NUAK1: variants seen among roughly 807,000 people sequenced by gnomAD.
NUAK1 encodes the protein NUAK family kinase 1.
In NUAK1, 26 loss-of-function variants were observed where a neutral mutation model predicts 56.9. The observed-to-expected ratio is 0.46, with a 90% CI of 0.33 to 0.63. NUAK1 has a LOEUF of 0.63. Ranked by LOEUF, NUAK1 falls within the 30% of genes least tolerant of loss-of-function variation. NUAK1 has a pLI of 0.02. For missense variants in NUAK1, 727 were observed against 876.1 expected, an observed-to-expected ratio of 0.83 and a Z score of 2.15; for synonymous variants, 337 against 336.0, an observed-to-expected ratio of 1.00 and a Z score of -0.03.
In NUAK1 at chr12:106,138,181, C is replaced by T. The variant is rs1404330336; in HGVS notation, c.240+233G>A. Among the ~76,000 whole-genome samples, 1 of 152,034 alleles carries T rather than the reference C, an allele frequency of 6.6e-6. No homozygotes were observed. The highest frequency in any genetic ancestry group is 2.4e-5 in the African/African-American group (1 of 41,412). On this transcript the variant is annotated intron_variant, in intron 1 of 6. Coordinates refer to ENST00000261402, the MANE Select transcript of NUAK1 (RefSeq NM_014840.3). This position sits in a 1 kb window ranked among gnomAD's most constrained non-coding sequence, Gnocchi z 5.0. ...TAGGATTAAATTTTTAAAAACAAACCAAAAAATAAAATAAAATATGTGCAG... is the reference window on the plus strand; with the variant it reads ...TAGGATTAAATTTTTAAAAACAAACTAAAAAATAAAATAAAATATGTGCAG...
chr12:106,097,370 T>C (rs1212822795), intron 2 of NUAK1, among the ~76,000 whole-genome samples: 1 of 152,234 alleles, frequency 6.6e-6, no homozygotes, highest in Non-Finnish European at 1.5e-5. Flanking sequence ...AAAGTGCTAA[T>C]AGAATAGTAC....
At chr12:106,072,897 G>A in intron 4 of NUAK1, 54 bp from the exon 5 acceptor site, 2 of 1,606,158 alleles carry the variant, frequency 1.2e-6, no homozygotes, top group Non-Finnish European at 1.7e-6. Context: ...GATTATGTCT[G>A]TGTTGGATCA....
chr12:106,087,096 G>A lies in NUAK1; in HGVS notation c.362-211C>T, dbSNP rs1226096094. 7 of 509,368 alleles carry A rather than the reference G, an allele frequency of 1.4e-5. No homozygotes were observed. The Admixed American group carries it at 2.4e-4, about 17-fold the overall frequency. 31.6% of individuals were successfully genotyped at this position (509,368 alleles called of 1,614,324 possible). A position where few individuals can be genotyped will look rare whatever the true frequency, so the allele number is the denominator to read the frequency against. On this transcript the variant is annotated intron_variant, in intron 2 of 6. Transcript: ENST00000261402. ...GGTGTGTGTCACCACCACTGTTCCTGGACACGCCTTTGTCATGCTAAGGGA... is the reference window on the plus strand; with the variant it reads ...GGTGTGTGTCACCACCACTGTTCCTAGACACGCCTTTGTCATGCTAAGGGA...
intron 2 of NUAK1, 143 bp from the exon 3 acceptor site, chr12:106,087,028 G>T: frequency 9.9e-7 from 1 of 1,006,374 alleles, no homozygotes; most frequent in Non-Finnish European, 1.5e-6. Flanking sequence ...AGCCAATTCA[G>T]CATCACGAGG....
At chr12:106,094,161 G>A (rs1464278803) in intron 2 of NUAK1, among the ~76,000 whole-genome samples, 2 of 151,976 alleles carry the variant, frequency 1.3e-5, no homozygotes, top group Admixed American at 6.5e-5. Context: ...GGCCCCAAGA[G>A]AATTCTCTCC....
In NUAK1 at chr12:106,124,276, ATTTTTCCTGGAAAATGGGAT is replaced by A. The variant is rs577309543; in HGVS notation, c.240+14118_240+14137del. 4.9e-3 allele frequency among the ~76,000 whole-genome samples: 742 copies of A among 152,214 alleles called. 7 individuals are homozygous for A. The highest frequency in any genetic ancestry group is 0.017 in the African/African-American group (716 of 41,512). Reference sequence around the variant, plus strand: ...CTGTTCTTGCCTTTATAAAGACAGTATTTTTCCTGGAAAATGGGATTTTTTCCTGGAAAATTTGATTTTTG... The same window carrying A: ...CTGTTCTTGCCTTTATAAAGACAGTATTTTTCCTGGAAAATTTGATTTTTG... On this transcript the variant is annotated intron_variant, in intron 1 of 6. Coordinates refer to ENST00000261402, the MANE Select transcript of NUAK1 (RefSeq NM_014840.3).
chr12:106,101,864 C>T (rs1261330170), intron 2 of NUAK1, among the ~76,000 whole-genome samples: 3 of 152,118 alleles, frequency 2.0e-5, no homozygotes, highest in Admixed American at 6.5e-5. Context: ...TGTCTAACTT[C>T]ACGTTCAGCG....
At position 106,097,458 on chromosome 12, in the gene NUAK1, G is replaced by C. The variant is rs528177945; in HGVS notation, c.361+8947C>G. 8.5e-5 allele frequency among the ~76,000 whole-genome samples: 13 copies of C among 152,356 alleles called. 1 individual carries two copies. In the South Asian group the frequency reaches 2.7e-3, roughly 32 times the overall value. ...ACTAAATAAGCAAATGAATGAATGAGAATAGTGGATAATGTTAAGGATCAT... is the reference window on the plus strand; with the variant it reads ...ACTAAATAAGCAAATGAATGAATGACAATAGTGGATAATGTTAAGGATCAT... On this transcript the variant is annotated intron_variant, in intron 2 of 6. Transcript: ENST00000261402.
chr12:106,138,587 G>T lies in NUAK1; in HGVS notation c.67C>A (p.Pro23Thr), dbSNP rs1378024955. ...GTCGCCCCCGCCACCGCCTCTCGGG[G>T]AGAGCCCGGCGCCCCCAGCCCCAAG... ...PDLGLGAPGS[P>T]REAVAGATAA... is the part of the protein sequence containing the mutation. Residue 23 changes from proline to threonine, a missense_variant, in exon 1 of 7, where the codon CCC (proline) becomes ACC (threonine). Physicochemically the swap from Pro to Thr is conservative, Grantham distance 38. Coordinates refer to ENST00000261402, the MANE Select transcript of NUAK1 (RefSeq NM_014840.3). This position sits in a 1 kb window ranked among gnomAD's most constrained non-coding sequence, Gnocchi z 5.0. The T allele has an allele frequency of 3.1e-6, 5 of 1,591,510 alleles. No homozygotes were observed. The highest frequency in any genetic ancestry group is 3.4e-6 in the Non-Finnish European group (4 of 1,175,356).
chr12:106,119,897 C>T (rs1430816153), intron 1 of NUAK1, among the ~76,000 whole-genome samples: 1 of 152,156 alleles, frequency 6.6e-6, no homozygotes, highest in Admixed American at 6.5e-5. Flanking sequence ...AGAAAGTGTG[C>T]ATCCCGATGA....
At position 106,066,579 on chromosome 12, in the gene NUAK1, C is replaced by G. The variant is rs1204558705; in HGVS notation, c.*223G>C. On this transcript the variant is annotated 3_prime_UTR_variant, in exon 7 of 7. Transcript: ENST00000261402. Reference sequence around the variant, plus strand: ...CTAGGAGGTGCCATAAAGCAAATGCCAAACAGGGCCCAAATTCTGACTGAC... The same window carrying G: ...CTAGGAGGTGCCATAAAGCAAATGCGAAACAGGGCCCAAATTCTGACTGAC... 3 of 578,864 alleles carry G rather than the reference C, an allele frequency of 5.2e-6. No homozygotes were observed. Among genetic ancestry groups the G allele is most frequent in the Non-Finnish European group, 9.2e-6 (3 of 325,114 alleles). 35.9% of individuals were successfully genotyped at this position (578,864 alleles called of 1,614,324 possible). A position where few individuals can be genotyped will look rare whatever the true frequency, so the allele number is the denominator to read the frequency against.
At chr12:106,102,612 G>A (rs897841945) in intron 2 of NUAK1, among the ~76,000 whole-genome samples, 18 of 152,250 alleles carry the variant, frequency 1.2e-4, no homozygotes, top group East Asian at 5.8e-4. Context: ...TGGACCCCAC[G>A]TTATGAACTA....
chr12:106,084,883 A>G (rs1446065988), intron 3 of NUAK1, among the ~76,000 whole-genome samples: 1 of 152,242 alleles, frequency 6.6e-6, no homozygotes, highest in Admixed American at 6.5e-5. Flanking sequence ...GACATCTGCA[A>G]TCGAAGCTGC....
chr12:106,078,622 C>G (rs571591219), intron 4 of NUAK1, among the ~76,000 whole-genome samples: 3 of 152,288 alleles, frequency 2.0e-5, no homozygotes, highest in Non-Finnish European at 2.9e-5. Context: ...CCTGAGTTGC[C>G]AGGAAGTGAA....
At chr12:106,101,376 G>C (rs1184128777) in intron 2 of NUAK1, among the ~76,000 whole-genome samples, 1 of 152,208 alleles carries the variant, frequency 6.6e-6, no homozygotes, top group African/African-American at 2.4e-5. Context: ...AGGCGTTGAA[G>C]CCCTAACACC....
At chr12:106,119,604 A>G (rs2032953910) in intron 1 of NUAK1, among the ~76,000 whole-genome samples, 1 of 152,234 alleles carries the variant, frequency 6.6e-6, no homozygotes, top group African/African-American at 2.4e-5. Context: ...TGACAGAAGC[A>G]AGACATGACA....
intron 1 of NUAK1, among the ~76,000 whole-genome samples, chr12:106,122,945 T>C (rs549985441): frequency 6.6e-6 from 1 of 152,342 alleles, no homozygotes; most frequent in East Asian, 1.9e-4. Flanking sequence ...CATCACTATA[T>C]ACCCAGAGCC....
chr12:106,131,273 C>G (rs1442673912), intron 1 of NUAK1, among the ~76,000 whole-genome samples: 1 of 152,098 alleles, frequency 6.6e-6, no homozygotes, highest in African/African-American at 2.4e-5. Context: ...CGGAGGGGTG[C>G]AACCATCATC....
chr12:106,115,239 CA>C (rs1179067497), intron 1 of NUAK1, among the ~76,000 whole-genome samples: 2 of 151,834 alleles, frequency 1.3e-5, no homozygotes, highest in Non-Finnish European at 2.9e-5. Context: ...TGAGCAGAAC[CA>C]AAAAAACTTT....
Sources: allele counts gnomAD v4.1 joint callset (sites outside exome capture counted in the v4.1 genomes callset), GRCh38; gene constraint gnomAD v4.1.1; non-coding constraint Gnocchi (gnomAD v3.1); transcripts MANE v1.5; gene names NCBI Gene and HGNC (gene_info 2026-07-23, HGNC 2026-07-21).